The following TRIM44 variants were observed in gnomAD, a reference collection of about 807,000 sequenced individuals.
TRIM44 encodes tripartite motif-containing protein 44.
A neutral mutation model predicts 37.4 loss-of-function variants in TRIM44; 13 were observed. The observed-to-expected ratio is 0.35, with a 90% CI of 0.23 to 0.55. The LOEUF (loss-of-function observed/expected upper bound fraction) is 0.55, where lower values mean the gene tolerates loss of function less well. Among genes scored for constraint, TRIM44 ranks in the 20% least tolerant of loss-of-function variants. The pLI, the probability that TRIM44 is intolerant of heterozygous loss-of-function variation, is 0.89. For missense variants in TRIM44, 426 were observed against 437.2 expected (o/e 0.97, Z 0.23); for synonymous variants, 175 against 157.2 (o/e 1.11, Z -0.85).
rs1367651249 is a variant in TRIM44, at chr11:35,812,403, A to G, written c.*6018A>G. On this transcript the variant is annotated 3_prime_UTR_variant, in exon 5 of 5. Transcript: ENST00000299413. ...GTGCTTGTTAACTATTGTAATCTCC[A>G]GGTTTAAATCATTCATTTATGTTAA... 1 of 152,218 alleles carries G rather than the reference A, an allele frequency of 6.6e-6. No homozygotes were observed. Among genetic ancestry groups the G allele is most frequent in the Non-Finnish European group, 1.5e-5 (1 of 68,032 alleles). 9.4% of individuals were successfully genotyped at this position (152,218 alleles called of 1,614,324 possible). A position where few individuals can be genotyped will look rare whatever the true frequency, so the allele number is the denominator to read the frequency against.
intron 4 of TRIM44, among the ~76,000 whole-genome samples, chr11:35,764,833 G>T (rs1229393150): frequency 6.6e-6 from 1 of 151,992 alleles, no homozygotes; most frequent in East Asian, 1.9e-4. Context: ...ATTTCAGATG[G>T]TCTTTTCAGT....
intron 3 of TRIM44, among the ~76,000 whole-genome samples, chr11:35,730,560 A>G (rs1852243857): frequency 6.6e-6 from 1 of 152,198 alleles, no homozygotes; most frequent in Non-Finnish European, 1.5e-5. Context: ...TCTGAAAACT[A>G]ATGACAAAGA....
At chr11:35,745,494 A>G (rs1239147591) in intron 4 of TRIM44, among the ~76,000 whole-genome samples, 2 of 152,194 alleles carry the variant, frequency 1.3e-5, no homozygotes, top group East Asian at 3.8e-4. Context: ...AAGCACAGTA[A>G]GTCCTCACTT....
At position 35,725,962 on chromosome 11, in the gene TRIM44, A is replaced by G. The variant is rs1258843093; in HGVS notation, c.786A>G (p.Glu262=). The G allele has an allele frequency of 7.4e-6, 12 of 1,614,008 alleles. No homozygotes were observed. In the African/African-American group the frequency reaches 1.6e-4, roughly 22 times the overall value. The part of the protein sequence containing the change: ...RDQMKMFIQQ[E]FKKVQKVIAD... Reference sequence around the variant, plus strand: ...AAATGAAGATGTTTATACAGCAGGAATTTAAGAAAGTTCAGAAAGTGATTG... The same window carrying G: ...AAATGAAGATGTTTATACAGCAGGAGTTTAAGAAAGTTCAGAAAGTGATTG... The change falls in exon 3 of 5, where the codon GAA becomes GAG. Residue 262 remains glutamate, a synonymous_variant. Coordinates refer to ENST00000299413, the MANE Select transcript of TRIM44 (RefSeq NM_017583.6).
chr11:35,760,336 C>T (rs902189912), intron 4 of TRIM44, among the ~76,000 whole-genome samples: 5 of 152,208 alleles, frequency 3.3e-5, no homozygotes, highest in South Asian at 2.1e-4. Flanking sequence ...TTGCTAAGAC[C>T]GTTGGAAAAG....
At chr11:35,714,507 G>A (rs1339755729) in intron 2 of TRIM44, among the ~76,000 whole-genome samples, 2 of 152,134 alleles carry the variant, frequency 1.3e-5, no homozygotes, top group Non-Finnish European at 2.9e-5. Flanking sequence ...CAGCAAACAT[G>A]AGAGCTACGT....
chr11:35,768,142 A>G (rs1303013104), intron 4 of TRIM44, among the ~76,000 whole-genome samples: 2 of 152,226 alleles, frequency 1.3e-5, no homozygotes, highest in African/African-American at 4.8e-5. Context: ...CAATGATTTG[A>G]TTGTGGGTAG....
rs370234498 is a variant in TRIM44 at position 35,736,722 on chromosome 11, C to T, written c.1007+1277C>T. Among the ~76,000 whole-genome samples, 70 of 152,278 alleles carry T rather than the reference C, an allele frequency of 4.6e-4. 1 individual carries two copies. The South Asian group carries it at 0.015, about 32-fold the overall frequency. On this transcript the variant is annotated intron_variant, in intron 4 of 4. Transcript: ENST00000299413. ...TACTATGGCTAAAGCCACAGGCACC[C>T]AACTTTAAAAGGCATAGGCATCTTG...
chr11:35,762,485 T>C (rs150972039), intron 4 of TRIM44, among the ~76,000 whole-genome samples: 1 of 152,286 alleles, frequency 6.6e-6, no homozygotes, highest in East Asian at 1.9e-4. Context: ...TTGAGCCAGG[T>C]ACAGTCGGTC....
rs546641251 is a variant in TRIM44, at chr11:35,711,547, C to G, written c.748-14377C>G. Among the ~76,000 whole-genome samples the G allele has an allele frequency of 2.0e-5, 3 of 151,186 alleles. No homozygotes were observed. In the South Asian group the frequency reaches 6.3e-4, roughly 32 times the overall value. On this transcript the variant is annotated intron_variant, in intron 2 of 4. Transcript: ENST00000299413. ...TGTTGGGAAAATAAGTGAGATAATCCTTTTAAAGTGTTGAGTACATTAAGG... is the reference window on the plus strand; with the variant it reads ...TGTTGGGAAAATAAGTGAGATAATCGTTTTAAAGTGTTGAGTACATTAAGG...
intron 4 of TRIM44, among the ~76,000 whole-genome samples, chr11:35,756,317 G>T (rs1432748479): frequency 6.6e-6 from 1 of 151,962 alleles, no homozygotes; most frequent in Non-Finnish European, 1.5e-5. Flanking sequence ...GTCTGTTATT[G>T]GTGTATAAGA....
intron 4 of TRIM44, among the ~76,000 whole-genome samples, chr11:35,773,370 G>A (rs999287914): frequency 8.6e-5 from 13 of 151,756 alleles, no homozygotes; most frequent in African/African-American, 2.9e-4. Context: ...GTTTGTTATC[G>A]ATTCCAGATG....
chr11:35,793,005 C>T (rs144452139), intron 4 of TRIM44, among the ~76,000 whole-genome samples: 32 of 152,160 alleles, frequency 2.1e-4, no homozygotes, highest in African/African-American at 6.5e-4. Flanking sequence ...TCTGACCCAA[C>T]GAGATTCTGT....
chr11:35,708,562 C>T (rs1468196373), intron 2 of TRIM44, among the ~76,000 whole-genome samples: 1 of 151,646 alleles, frequency 6.6e-6, no homozygotes, highest in East Asian at 1.9e-4. Context: ...CACATATACA[C>T]CATGGAATAC....
intron 2 of TRIM44, among the ~76,000 whole-genome samples, chr11:35,706,352 G>A (rs1170656394): frequency 1.1e-4 from 17 of 151,974 alleles, no homozygotes; most frequent in Non-Finnish European, 2.2e-4. Context: ...AAATGGTACC[G>A]TTCCTTCTGA....
At chr11:35,709,568 A>T (rs1038754173) in intron 2 of TRIM44, among the ~76,000 whole-genome samples, 3 of 152,190 alleles carry the variant, frequency 2.0e-5, no homozygotes, top group Admixed American at 1.3e-4. Context: ...GACCAAATCC[A>T]TTCCTGGACC....
At chr11:35,700,813 T>C (rs1454408335) in intron 2 of TRIM44, among the ~76,000 whole-genome samples, 1 of 152,196 alleles carries the variant, frequency 6.6e-6, no homozygotes, top group Non-Finnish European at 1.5e-5. Flanking sequence ...ATTGAAGAAT[T>C]TTTAAAAGCA....
At chr11:35,793,479 T>G (rs1483570953) in intron 4 of TRIM44, among the ~76,000 whole-genome samples, 1 of 151,986 alleles carries the variant, frequency 6.6e-6, no homozygotes, top group African/African-American at 2.4e-5. Flanking sequence ...GAGCCAAGAT[T>G]ACGCCACTGC....
At chr11:35,709,987 A>G (rs1463106692) in intron 2 of TRIM44, among the ~76,000 whole-genome samples, 1 of 152,202 alleles carries the variant, frequency 6.6e-6, no homozygotes, top group East Asian at 1.9e-4. Context: ...ACATACAGAA[A>G]TTGGAAGTGA....
Sources: allele counts gnomAD v4.1 joint callset (sites outside exome capture counted in the v4.1 genomes callset), GRCh38; gene constraint gnomAD v4.1.1; transcripts MANE v1.5; gene names NCBI Gene and HGNC (gene_info 2026-07-23, HGNC 2026-07-21).